THSD7B: variants seen among roughly 807,000 people sequenced by gnomAD.
The protein encoded by THSD7B is thrombospondin type-1 domain-containing protein 7B.
A neutral mutation model predicts 213.6 loss-of-function variants in THSD7B; 138 were observed. The observed-to-expected ratio is 0.65, with a 90% CI of 0.56 to 0.74. THSD7B has a LOEUF of 0.74. Ranked by LOEUF, THSD7B falls within the 30% of genes least tolerant of loss-of-function variation. THSD7B has a pLI of 0.00. For synonymous variants in THSD7B, 742 were observed against 687.0 expected, an observed-to-expected ratio of 1.08 and a Z score of -1.25; for missense variants, 1,931 against 1,991.5, an observed-to-expected ratio of 0.97 and a Z score of 0.58.
At chr2:137,242,377 C>A in intron 9 of THSD7B, 80 bp from the exon 10 acceptor site, 1 of 1,063,406 alleles carries the variant, frequency 9.4e-7, no homozygotes, top group Non-Finnish European at 1.4e-6. Context: ...TTAATATTTT[C>A]GGTTCTAAAA....
At chr2:137,115,901 A>G (rs911618410) in intron 5 of THSD7B, among the ~76,000 whole-genome samples, 11 of 152,150 alleles carry the variant, frequency 7.2e-5, no homozygotes, top group East Asian at 5.8e-4. Context: ...ATGTAAGTCA[A>G]TGGGTTGAGA....
intron 17 of THSD7B, among the ~76,000 whole-genome samples, chr2:137,596,612 A>G (rs980519875): frequency 6.6e-6 from 1 of 152,000 alleles, no homozygotes; most frequent in African/African-American, 2.4e-5. Flanking sequence ...TTAATGTGAG[A>G]GTTGTGCTGT....
At chr2:137,663,914 T>C (rs2104824130) in intron 26 of THSD7B, among the ~76,000 whole-genome samples, 1 of 151,846 alleles carries the variant, frequency 6.6e-6, no homozygotes, top group Non-Finnish European at 1.5e-5. Context: ...TCCAGTGGTG[T>C]GATCTCGGCT....
intron 14 of THSD7B, among the ~76,000 whole-genome samples, chr2:137,418,066 G>A (rs573469525): frequency 5.3e-5 from 8 of 152,258 alleles, no homozygotes; most frequent in African/African-American, 1.9e-4. Context: ...CTATGTTTTC[G>A]TGTTGTGATT....
chr2:137,165,604 G>T (rs1244147095), intron 6 of THSD7B, among the ~76,000 whole-genome samples: 1 of 152,060 alleles, frequency 6.6e-6, no homozygotes, highest in Non-Finnish European at 1.5e-5. Context: ...TACAGAAGCT[G>T]GGGTACACAG....
intron 15 of THSD7B, among the ~76,000 whole-genome samples, chr2:137,515,158 C>T (rs1273041106): frequency 2.0e-5 from 3 of 152,232 alleles, no homozygotes; most frequent in South Asian, 4.2e-4. Flanking sequence ...AGAATAGGAC[C>T]CTGCGACTTG....
intron 7 of THSD7B, among the ~76,000 whole-genome samples, chr2:137,173,535 T>A (rs189166401): frequency 2.6e-3 from 398 of 152,312 alleles, no homozygotes; most frequent in African/African-American, 9.2e-3. Context: ...TGACTAATTT[T>A]CAGCTTTTGA....
At chr2:137,393,133 T>A (rs1008933483) in intron 12 of THSD7B, among the ~76,000 whole-genome samples, 2 of 150,426 alleles carry the variant, frequency 1.3e-5, no homozygotes, top group East Asian at 1.9e-4. Context: ...TGGCTGCAGG[T>A]TTTTTCTTCC....
chr2:136,875,409 G>A (rs188035051), intron 1 of THSD7B, among the ~76,000 whole-genome samples: 1 of 152,286 alleles, frequency 6.6e-6, no homozygotes, highest in East Asian at 1.9e-4. Flanking sequence ...GTGACAGAGC[G>A]AGACTGTCAA....
intron 12 of THSD7B, among the ~76,000 whole-genome samples, chr2:137,334,553 C>T (rs907693315): frequency 5.3e-5 from 8 of 152,124 alleles, no homozygotes; most frequent in Admixed American, 3.9e-4. Context: ...CGGATTCCTC[C>T]ATTTCTCCCC....
chr2:137,488,643 A>C (rs1000805589), intron 15 of THSD7B, among the ~76,000 whole-genome samples: 2 of 152,210 alleles, frequency 1.3e-5, no homozygotes, highest in African/African-American at 2.4e-5. Flanking sequence ...GTGCATGCAT[A>C]CAACACAGTG....
At chr2:137,194,267 C>T (rs919186886) in intron 7 of THSD7B, among the ~76,000 whole-genome samples, 4 of 152,040 alleles carry the variant, frequency 2.6e-5, no homozygotes, top group African/African-American at 4.8e-5. Flanking sequence ...GGAAAAGGGG[C>T]GTGCTGTAGA....
intron 15 of THSD7B, among the ~76,000 whole-genome samples, chr2:137,463,653 A>T (rs1209546974): frequency 6.6e-6 from 1 of 152,042 alleles, no homozygotes; most frequent in African/African-American, 2.4e-5. Context: ...TGGACAAAAG[A>T]TGTTCTCTCT....
chr2:136,771,657 C>T (rs1002445466), intron 1 of THSD7B, among the ~76,000 whole-genome samples: 2 of 152,134 alleles, frequency 1.3e-5, no homozygotes, highest in African/African-American at 4.8e-5. Flanking sequence ...GATGCCAATT[C>T]ACAAAGCCCT....
At chr2:136,993,248 C>T (rs959338892) in intron 2 of THSD7B, among the ~76,000 whole-genome samples, 3 of 152,206 alleles carry the variant, frequency 2.0e-5, no homozygotes, top group African/African-American at 7.2e-5. Flanking sequence ...ATTTCTTAGG[C>T]ATCTCCATTT....
intron 4 of THSD7B, among the ~76,000 whole-genome samples, chr2:137,103,121 T>G (rs1688181734): frequency 6.6e-6 from 1 of 152,148 alleles, no homozygotes; most frequent in Non-Finnish European, 1.5e-5. Context: ...GAAAAAATGT[T>G]GAGGGCAGCC....
chr2:136,940,742 A>ATT (rs150455072), intron 2 of THSD7B, among the ~76,000 whole-genome samples: 78,466 of 144,078 alleles, frequency 0.54, 22,726 homozygotes, highest in Non-Finnish European at 0.65. Context: ...ATATATATAT[A>ATT]TTTTTTCTTA....
At chr2:136,977,807 T>TTTGTTTTG (rs1553461924) in intron 2 of THSD7B, among the ~76,000 whole-genome samples, 5 of 53,380 alleles carry the variant, frequency 9.4e-5, no homozygotes, top group African/African-American at 1.9e-4. Context: ...CTTTGTTTTT[T>TTTGTTTTG]TTTTTTTTTT....
chr2:137,164,725 T>G (rs1680087003), intron 6 of THSD7B, among the ~76,000 whole-genome samples: 1 of 152,172 alleles, frequency 6.6e-6, no homozygotes, highest in Non-Finnish European at 1.5e-5. Flanking sequence ...TTCATATCCT[T>G]TGTAGGGACA....
Sources: allele counts gnomAD v4.1 joint callset (sites outside exome capture counted in the v4.1 genomes callset), GRCh38; gene constraint gnomAD v4.1.1; transcripts MANE v1.5; gene names NCBI Gene and HGNC (gene_info 2026-07-23, HGNC 2026-07-21).